Variants in SBF2 observed in about 807,000 individuals in gnomAD.
The protein encoded by SBF2 is SET binding factor 2.
Under a neutral mutation model 225.2 loss-of-function variants are expected in SBF2, and 112 were observed. The observed-to-expected ratio is 0.50, with a 90% CI of 0.43 to 0.58. The LOEUF (loss-of-function observed/expected upper bound fraction) is 0.58, where lower values mean the gene tolerates loss of function less well. Among genes scored for constraint, SBF2 ranks in the 20% least tolerant of loss-of-function variants. SBF2 has a pLI of 0.00. For synonymous variants in SBF2, 763 were observed against 773.3 expected (o/e 0.99, Z 0.22); for missense variants, 1,996 against 2,206.2 (o/e 0.90, Z 1.91).
intron 2 of SBF2, among the ~76,000 whole-genome samples, chr11:10,087,061 T>C (rs1272664859): frequency 6.6e-6 from 1 of 152,200 alleles, no homozygotes; most frequent in African/African-American, 2.4e-5. Flanking sequence ...ACCAAAGTTT[T>C]CTCATGAGTG....
intron 16 of SBF2, among the ~76,000 whole-genome samples, chr11:9,939,094 TATTTA>T (rs1246900662): frequency 2.0e-5 from 3 of 152,076 alleles, no homozygotes; most frequent in African/African-American, 7.2e-5. Context: ...TATTTTATTT[TATTTA>T]TTTTATTTTA....
Position 9,780,455 on chromosome 11 carries a change from C to T in SBF2, c.5513G>A (p.Trp1838Ter). ...GATACAACTCTGGATCTTGTCCATC[C>T]ATTGCTGGGCACTCTGTCCATCCTG... Reference protein sequence around the residue: ...CAQDGQSAQQWMDKIQSCISD... With the variant: ...CAQDGQSAQQ The change falls in exon 40 of 40, where the codon TGG becomes TAG. Residue 1838 changes from tryptophan to a stop codon, truncating the protein, a stop_gained. Transcript: ENST00000256190. LOFTEE classifies it high-confidence loss of function. 1.2e-6 allele frequency: 2 copies of T among 1,614,116 alleles called. No individual in the cohort carries two copies. Among genetic ancestry groups the T allele is most frequent in the Non-Finnish European group, 1.7e-6 (2 of 1,180,012 alleles).
chr11:9,858,097 G>T, intron 18 of SBF2, 129 bp downstream of exon 18: 1 of 929,326 alleles, frequency 1.1e-6, no homozygotes. Context: ...GATATCACAG[G>T]GCTCCCTAAA....
intron 16 of SBF2, among the ~76,000 whole-genome samples, chr11:9,908,207 AT>A (rs140580821): frequency 0.18 from 27,909 of 152,128 alleles, 2,930 homozygotes; most frequent in Non-Finnish European, 0.23. Flanking sequence ...CTTGAAGAAA[AT>A]TTTTTTCTTA....
intron 1 of SBF2, among the ~76,000 whole-genome samples, chr11:10,218,200 G>A (rs554636617): frequency 3.3e-5 from 5 of 151,898 alleles, no homozygotes; most frequent in South Asian, 2.1e-4. Context: ...GTGCCCAGCC[G>A]CAAAGTCACA....
chr11:10,145,677 T>G (rs1348901484), intron 2 of SBF2, among the ~76,000 whole-genome samples: 1 of 152,198 alleles, frequency 6.6e-6, no homozygotes, highest in Non-Finnish European at 1.5e-5. Flanking sequence ...TGGGAGTTCC[T>G]CGAGAGATGG....
chr11:10,277,132 CAAAA>C (rs11310738), intron 1 of SBF2, among the ~76,000 whole-genome samples: 171 of 73,504 alleles, frequency 2.3e-3, no homozygotes, highest in Non-Finnish European at 3.6e-3. Context: ...GACCCCATCT[CAAAA>C]AAAAAAAAAA....
chr11:10,153,804 A>G (rs558396031), intron 2 of SBF2, among the ~76,000 whole-genome samples: 2 of 152,248 alleles, frequency 1.3e-5, no homozygotes, highest in African/African-American at 4.8e-5. Flanking sequence ...ATAATTTTAG[A>G]GTTTACATTT....
rs1949234263 is a variant in SBF2 at position 10,031,042 on chromosome 11, C to A, written c.402+6G>T. ...AAATTAATAATGATAACTATGTGTT[C>A]TTTACCCTAAAAATTTCTGGATAAT... is the stretch of plus-strand genomic sequence containing the variant. On this transcript the variant is annotated splice_donor_region_variant and intron_variant, in intron 4 of 39. Coordinates refer to ENST00000256190, the MANE Select transcript of SBF2 (RefSeq NM_030962.4). 6.2e-7 allele frequency: 1 copy of A among 1,610,098 alleles called. No individual in the cohort carries two copies. Among genetic ancestry groups the A allele is most frequent in the Admixed American group, 1.7e-5 (1 of 59,958 alleles).
At chr11:9,918,497 G>A (rs923789941) in intron 16 of SBF2, among the ~76,000 whole-genome samples, 1 of 151,876 alleles carries the variant, frequency 6.6e-6, no homozygotes, top group African/African-American at 2.4e-5. Context: ...GGAACTACAG[G>A]TGCACGCCAC....
chr11:10,159,954 G>A (rs1591094482), intron 2 of SBF2, among the ~76,000 whole-genome samples: 1 of 151,884 alleles, frequency 6.6e-6, no homozygotes, highest in East Asian at 1.9e-4. Context: ...TAAAACTCTG[G>A]TCTCCTGCAC....
chr11:9,992,735 T>C (rs1590700506), intron 11 of SBF2, among the ~76,000 whole-genome samples, 192 bp from the exon 12 acceptor site: 2 of 152,256 alleles, frequency 1.3e-5, no homozygotes, highest in Non-Finnish European at 2.9e-5. Flanking sequence ...TAAAAATGAA[T>C]CTGTCTACAT....
At chr11:10,011,173 G>C (rs1200057009) in intron 6 of SBF2, among the ~76,000 whole-genome samples, 1 of 152,024 alleles carries the variant, frequency 6.6e-6, no homozygotes. Context: ...GTGTGAAATC[G>C]AATTATTAAC....
intron 1 of SBF2, among the ~76,000 whole-genome samples, chr11:10,222,092 C>T (rs1330296605): frequency 6.6e-6 from 1 of 152,170 alleles, no homozygotes; most frequent in Admixed American, 6.5e-5. Flanking sequence ...AAGAACTGAA[C>T]TAAGAACTAC....
intron 1 of SBF2, among the ~76,000 whole-genome samples, chr11:10,250,091 G>T (rs887051002): frequency 6.6e-6 from 1 of 151,792 alleles, no homozygotes; most frequent in African/African-American, 2.4e-5. Flanking sequence ...CATAATTATG[G>T]TTAAGTTTTA....
intron 2 of SBF2, among the ~76,000 whole-genome samples, chr11:10,059,277 CAT>C (rs1950351919): frequency 2.0e-5 from 3 of 152,090 alleles, no homozygotes; most frequent in Admixed American, 1.3e-4. Context: ...AGACCCATCT[CAT>C]GTGTAATGAC....
At chr11:9,854,966 T>C (rs973225037) in intron 19 of SBF2, among the ~76,000 whole-genome samples, 4 of 152,190 alleles carry the variant, frequency 2.6e-5, no homozygotes, top group Non-Finnish European at 5.9e-5. Context: ...CAATGGAGAA[T>C]GGAGATAAAG....
intron 1 of SBF2, among the ~76,000 whole-genome samples, chr11:10,269,175 T>C (rs1318099764): frequency 6.6e-6 from 1 of 152,220 alleles, no homozygotes; most frequent in East Asian, 1.9e-4. Context: ...GTTTAGATAA[T>C]GTTTCCAGAG....
chr11:9,805,872 T>C (rs970671893), intron 32 of SBF2, among the ~76,000 whole-genome samples: 33 of 152,266 alleles, frequency 2.2e-4, no homozygotes, highest in Middle Eastern at 3.4e-3. Flanking sequence ...CCACCCACCT[T>C]GGCCTCCCAA....
Sources: gnomAD v4.1 joint callset for allele counts (sites outside exome capture counted in the v4.1 genomes callset) on GRCh38, gnomAD v4.1.1 for gene constraint, MANE v1.5 for transcripts, NCBI Gene and HGNC (gene_info 2026-07-23, HGNC 2026-07-21) for gene names.